The following SYNPR variants were observed in gnomAD, a reference collection of about 807,000 sequenced individuals.
SYNPR encodes synaptoporin.
SYNPR carries 23 observed loss-of-function variants against 32.9 expected under a neutral mutation model. The observed-to-expected ratio is 0.70, with a 90% CI of 0.50 to 0.99. SYNPR has a LOEUF of 0.99. Among genes scored for constraint, SYNPR ranks in the 50% least tolerant of loss-of-function variants. The probability of loss-of-function intolerance (pLI) is 0.00; values close to 1 mark genes in which losing one functional copy is unlikely to be tolerated. For synonymous variants in SYNPR, 146 were observed against 135.9 expected (o/e 1.07, Z -0.52); for missense variants, 318 against 349.3 (o/e 0.91, Z 0.71).
chr3:63,218,944 G>A, the SYNPR span, among the ~76,000 whole-genome samples: 17 of 152,286 alleles, frequency 1.1e-4, no homozygotes, highest in African/African-American at 4.1e-4. Context: ...GGAGCACTAG[G>A]TATGATGCTA....
chr3:63,433,533 T>C (rs183369430), intron 2 of SYNPR, among the ~76,000 whole-genome samples: 2 of 152,310 alleles, frequency 1.3e-5, no homozygotes, highest in Non-Finnish European at 2.9e-5. Context: ...AAGATAGTTT[T>C]GTCTTATATT....
intron 4 of SYNPR, among the ~76,000 whole-genome samples, chr3:63,563,486 T>G (rs1702726754): frequency 6.6e-6 from 1 of 152,152 alleles, no homozygotes; most frequent in African/African-American, 2.4e-5. Context: ...GTCTCTGAGC[T>G]ATACAGAAAT....
intron 4 of SYNPR, among the ~76,000 whole-genome samples, chr3:63,608,866 G>T (rs879062290): frequency 6.6e-6 from 1 of 152,114 alleles, no homozygotes; most frequent in South Asian, 2.1e-4. Flanking sequence ...TTAGGTGTGG[G>T]TTATAAAGTC....
chr3:63,520,073 A>G (rs1306751261), intron 3 of SYNPR, among the ~76,000 whole-genome samples: 2 of 152,200 alleles, frequency 1.3e-5, no homozygotes, highest in Non-Finnish European at 2.9e-5. Context: ...TTCACAGAAT[A>G]TCTTACAAAC....
At chr3:63,405,175 C>T (rs571830026) in intron 2 of SYNPR, among the ~76,000 whole-genome samples, 1 of 152,210 alleles carries the variant, frequency 6.6e-6, no homozygotes, top group South Asian at 2.1e-4. Flanking sequence ...TGGCTGCATG[C>T]AGTGATGAAC....
At chr3:63,491,746 C>G (rs1424778111) in intron 3 of SYNPR, among the ~76,000 whole-genome samples, 1 of 152,072 alleles carries the variant, frequency 6.6e-6, no homozygotes, top group Non-Finnish European at 1.5e-5. Context: ...TTCTCGAACT[C>G]CTGATCTCAA....
chr3:63,543,645 C>T (rs1702346298), intron 3 of SYNPR, among the ~76,000 whole-genome samples: 1 of 152,144 alleles, frequency 6.6e-6, no homozygotes, highest in South Asian at 2.1e-4. Context: ...ATTAAAAAGT[C>T]CAGTCTTTCC....
chr3:63,452,469 C>T (rs895923667), intron 2 of SYNPR, among the ~76,000 whole-genome samples: 2 of 152,060 alleles, frequency 1.3e-5, no homozygotes, highest in Non-Finnish European at 2.9e-5. Flanking sequence ...GATTAGTGCC[C>T]ATAAAACCTG....
intron 3 of SYNPR, among the ~76,000 whole-genome samples, chr3:63,523,765 T>TA (rs1196538775): frequency 1.3e-5 from 2 of 152,138 alleles, no homozygotes; most frequent in Admixed American, 6.6e-5. Flanking sequence ...TCTTAGAATT[T>TA]AAAAAAATCT....
chr3:63,441,380 A>G (rs1355205916), intron 2 of SYNPR, among the ~76,000 whole-genome samples: 3 of 152,226 alleles, frequency 2.0e-5, no homozygotes, highest in Non-Finnish European at 4.4e-5. Flanking sequence ...CCGTGAAGAA[A>G]CAATTAAGTA....
intron 3 of SYNPR, among the ~76,000 whole-genome samples, chr3:63,527,823 C>T (rs545978171): frequency 6.6e-6 from 1 of 152,116 alleles, no homozygotes; most frequent in Non-Finnish European, 1.5e-5. Flanking sequence ...TTTATAACTT[C>T]AGTGTTCATT....
intron 4 of SYNPR, among the ~76,000 whole-genome samples, chr3:63,602,331 C>CA (rs56403203): frequency 2.0e-5 from 3 of 151,602 alleles, no homozygotes; most frequent in African/African-American, 7.3e-5. Flanking sequence ...TTCTGCTGTC[C>CA]AAAAAAAGCT....
intron 3 of SYNPR, among the ~76,000 whole-genome samples, chr3:63,513,202 T>C (rs533702157): frequency 8.2e-6 from 1 of 122,460 alleles, no homozygotes; most frequent in South Asian, 3.0e-4. Flanking sequence ...TTGTTGTCCA[T>C]TTGTTTCTGT....
intron 2 of SYNPR, among the ~76,000 whole-genome samples, chr3:63,327,654 A>T (rs2087181722): frequency 6.6e-6 from 1 of 152,126 alleles, no homozygotes. Context: ...AATTTCACCC[A>T]AAAAAACTGA....
At chr3:63,540,081 C>G (rs1415103593) in intron 3 of SYNPR, among the ~76,000 whole-genome samples, 4 of 152,066 alleles carry the variant, frequency 2.6e-5, no homozygotes, top group Non-Finnish European at 5.9e-5. Context: ...AGGAGTACGG[C>G]TATTTATTTC....
chr3:63,595,950 T>TA (rs1287312173), intron 4 of SYNPR, among the ~76,000 whole-genome samples: 13,279 of 120,348 alleles, frequency 0.11, 1,336 homozygotes, highest in South Asian at 0.23. Flanking sequence ...TATATATAGT[T>TA]TTATATATAT....
intron 2 of SYNPR, among the ~76,000 whole-genome samples, chr3:63,343,632 T>G (rs2087398859): frequency 6.6e-6 from 1 of 152,200 alleles, no homozygotes; most frequent in Admixed American, 6.5e-5. Context: ...TAGACAACAT[T>G]CAGACTATCA....
At chr3:63,230,653 G>C (rs1372371650) in intron 1 of SYNPR, among the ~76,000 whole-genome samples, 1 of 152,128 alleles carries the variant, frequency 6.6e-6, no homozygotes. Context: ...TGCCTACCGG[G>C]ATTTGAGTAA....
intron 2 of SYNPR, among the ~76,000 whole-genome samples, chr3:63,468,208 AAAAAAAG>A (rs1700723230): frequency 6.6e-6 from 1 of 151,906 alleles, no homozygotes; most frequent in African/African-American, 2.4e-5. Context: ...AAAAAAAAAA[AAAAAAAG>A]AATCAGAATA....
Sources: gnomAD v4.1 joint callset for allele counts (sites outside exome capture counted in the v4.1 genomes callset) on GRCh38, gnomAD v4.1.1 for gene constraint, MANE v1.5 for transcripts, NCBI Gene and HGNC (gene_info 2026-07-23, HGNC 2026-07-21) for gene names.